Variants in UTP20 observed in about 807,000 individuals in gnomAD.
The protein encoded by UTP20 is UTP20 small subunit processome component.
UTP20 carries 164 observed loss-of-function variants against 329.5 expected under a neutral mutation model. The ratio of observed to expected loss-of-function variants is 0.50; its 90% CI spans 0.44 to 0.57. The LOEUF (loss-of-function observed/expected upper bound fraction) is 0.57. Ranked by LOEUF, UTP20 falls within the 20% of genes least tolerant of loss-of-function variation. UTP20 has a pLI of 0.00. For missense variants in UTP20, 3,055 were observed against 3,284.2 expected (o/e 0.93, Z 1.71); for synonymous variants, 1,151 against 1,159.3 (o/e 0.99, Z 0.14).
chr12:101,280,931 A>G (rs1593413635), intron 1 of UTP20, among the ~76,000 whole-genome samples, 185 bp from the exon 2 acceptor site: 1 of 152,312 alleles, frequency 6.6e-6, no homozygotes, highest in Middle Eastern at 3.4e-3. Context: ...AAATTATGCA[A>G]ACATAGAAGT....
At chr12:101,289,283 A>G (rs777945253) in intron 6 of UTP20, among the ~76,000 whole-genome samples, 11 of 152,122 alleles carry the variant, frequency 7.2e-5, no homozygotes, top group Non-Finnish European at 1.0e-4. Context: ...AGGCTGAGAC[A>G]TGAGAATTGC....
At chr12:101,339,701 T>G (rs1200424176) in intron 31 of UTP20, among the ~76,000 whole-genome samples, 1 of 152,202 alleles carries the variant, frequency 6.6e-6, no homozygotes, top group African/African-American at 2.4e-5. Flanking sequence ...AGAGTCTGTT[T>G]GGCAGTAGAC....
At chr12:101,339,655 G>A (rs910452793) in intron 31 of UTP20, among the ~76,000 whole-genome samples, 4 of 152,174 alleles carry the variant, frequency 2.6e-5, no homozygotes, top group South Asian at 2.1e-4. Flanking sequence ...CAGATTGTTC[G>A]GTTTTTTTGA....
At chr12:101,355,450 A>G (rs1187279700) in intron 41 of UTP20, among the ~76,000 whole-genome samples, 1 of 152,236 alleles carries the variant, frequency 6.6e-6, no homozygotes, top group Admixed American at 6.5e-5. Flanking sequence ...GTTCTGCACT[A>G]TTCAAAATTC....
In UTP20 at chr12:101,379,566, T is replaced by C. The variant is rs747443916; in HGVS notation, c.7584+8T>C. ...AGTGACCTTGACCAAAAGGTAAGCT[T>C]TCTCTCAAACCTTTTCCTTCCCTCG... is the stretch of plus-strand genomic sequence containing the variant. On this transcript the variant is annotated splice_region_variant and intron_variant, in intron 57 of 61. Coordinates refer to ENST00000261637, the MANE Select transcript of UTP20 (RefSeq NM_014503.3). 1.0e-5 allele frequency: 16 copies of C among 1,606,222 alleles called. No individual in the cohort carries two copies. The highest frequency in any genetic ancestry group is 1.3e-5 in the Non-Finnish European group (15 of 1,175,138).
intron 8 of UTP20, chr12:101,291,482 G>A: frequency 4.7e-6 from 1 of 214,698 alleles, no homozygotes; most frequent in Non-Finnish European, 8.9e-6. Flanking sequence ...AGAGGTTGCG[G>A]TGAGCAAAGA....
At position 101,312,064 on chromosome 12, in the gene UTP20, T is replaced by A. The variant is rs1291035437; in HGVS notation, c.2340T>A (p.Asp780Glu). The A allele has an allele frequency of 6.2e-7, 1 of 1,614,202 alleles. No individual in the cohort carries two copies. The highest frequency in any genetic ancestry group is 8.5e-7 in the Non-Finnish European group (1 of 1,180,016). The stretch of plus-strand genomic sequence containing the variant: ...AGGAACTACAGAATGATATGACAGA[T>A]GAGAAGTCCGTTGGAGATGAAAGTT... Reference protein sequence around the residue: ...AEKELQNDMTDEKSVGDESWE... With the variant: ...AEKELQNDMTEEKSVGDESWE... Residue 780 changes from aspartate (D) to glutamate (E), a missense_variant, in exon 21 of 62, where the codon GAT becomes GAA. Physicochemically the swap from Asp to Glu is conservative, Grantham distance 45 (BLOSUM62 2). Coordinates refer to ENST00000261637, the MANE Select transcript of UTP20 (RefSeq NM_014503.3).
intron 56 of UTP20, among the ~76,000 whole-genome samples, chr12:101,377,136 A>G (rs1870502166): frequency 6.6e-6 from 1 of 152,188 alleles, no homozygotes; most frequent in African/African-American, 2.4e-5. Flanking sequence ...CACCTGGTTT[A>G]AGAGCCAGAA....
chr12:101,280,237 C>G lies in UTP20; in HGVS notation c.-46C>G, dbSNP rs1304109940. On this transcript the variant is annotated 5_prime_UTR_variant, in exon 1 of 62. Transcript: ENST00000261637. The stretch of plus-strand genomic sequence containing the variant: ...CCCCTCCTTACTGTCGGTTGCATCC[C>G]TTCGACACTCCCGAGGCCGTCGCGG... 6 of 1,551,160 alleles carry G rather than the reference C, an allele frequency of 3.9e-6. No homozygotes were observed. In the South Asian group the frequency reaches 7.1e-5, roughly 18 times the overall value.
chr12:101,373,026 C>A, intron 52 of UTP20, 63 bp downstream of exon 52: 5 of 1,388,380 alleles, frequency 3.6e-6, no homozygotes, highest in Non-Finnish European at 5.1e-6. Flanking sequence ...TTTAACATGG[C>A]GGCTGTCTTA....
chr12:101,361,628 AAAAT>A (rs60016529), intron 43 of UTP20, among the ~76,000 whole-genome samples: 39,258 of 138,672 alleles, frequency 0.28, 6,021 homozygotes, highest in Non-Finnish European at 0.35. Flanking sequence ...CTCTGTCTCA[AAAAT>A]AAATAAATAA....
chr12:101,311,894 A>T, intron 20 of UTP20, 96 bp downstream of exon 20: 1 of 1,554,050 alleles, frequency 6.4e-7, no homozygotes, highest in Non-Finnish European at 8.7e-7. Flanking sequence ...GAAAACAGAG[A>T]TGAAACATAT....
intron 14 of UTP20, among the ~76,000 whole-genome samples, 160 bp from the exon 15 acceptor site, chr12:101,302,288 T>C (rs1872540596): frequency 6.6e-6 from 1 of 152,240 alleles, no homozygotes; most frequent in Admixed American, 6.5e-5. Flanking sequence ...TTTCTGTTTC[T>C]TTCTGTTATA....
intron 40 of UTP20, among the ~76,000 whole-genome samples, chr12:101,354,027 T>C (rs1869628601): frequency 6.6e-6 from 1 of 151,934 alleles, no homozygotes; most frequent in Admixed American, 6.6e-5. Context: ...TTGGGAGGCC[T>C]ACGCAGGTGG....
Position 101,386,170 on chromosome 12 carries a change from T to C in UTP20, c.*47T>C. 2 of 1,555,520 alleles carry C rather than the reference T, an allele frequency of 1.3e-6. No individual in the cohort carries two copies. Among genetic ancestry groups the C allele is most frequent in the Non-Finnish European group, 1.7e-6 (2 of 1,156,830 alleles). On this transcript the variant is annotated 3_prime_UTR_variant, in exon 62 of 62. Coordinates refer to ENST00000261637, the MANE Select transcript of UTP20 (RefSeq NM_014503.3). ...GCATGAACTTTCTGGAATATTCTGC[T>C]AGTCTGAAATTACAGTAGGTTGTCT...
In UTP20 at chr12:101,344,738, G is replaced by A. The variant is rs1294688273; in HGVS notation, c.4593G>A (p.Lys1531=). Residue 1531 remains lysine (K), a synonymous_variant, in exon 36 of 62, where the codon AAG becomes AAA. Transcript: ENST00000261637. Reference sequence around the variant, plus strand: ...TGGAGAAATTGAGAAAAGGTCTGAAGAGCCAGACAGAGGTATATAACTTTG... The same window carrying A: ...TGGAGAAATTGAGAAAAGGTCTGAAAAGCCAGACAGAGGTATATAACTTTG... ...SLLEKLRKGL[K]SQTESIQQDY... 1 of 1,613,674 alleles carries A rather than the reference G, an allele frequency of 6.2e-7. No individual in the cohort carries two copies. The highest frequency in any genetic ancestry group is 8.5e-7 in the Non-Finnish European group (1 of 1,179,834).
intron 59 of UTP20, 111 bp from the exon 60 acceptor site, chr12:101,383,432 A>G (rs1870720813): frequency 6.7e-7 from 1 of 1,500,170 alleles, no homozygotes; most frequent in Non-Finnish European, 9.0e-7. Flanking sequence ...AACTGCAGCA[A>G]TAACATCCGT....
In UTP20 at chr12:101,320,870, C is replaced by G; in HGVS notation, c.2848C>G (p.Gln950Glu). 6.2e-7 allele frequency: 1 copy of G among 1,611,698 alleles called. No homozygotes were observed. Among genetic ancestry groups the G allele is most frequent in the South Asian group, 1.1e-5 (1 of 90,350 alleles). ...TTCTTAGTTGTTGCTACACCAAGAT[C>G]AAATGGTGCAAAAAATAACCTTGGA... Reference protein sequence around the residue: ...LYLQLLLHQDQMVQKITLDCI... With the variant: ...LYLQLLLHQDEMVQKITLDCI... The change falls in exon 24 of 62, where the codon CAA becomes GAA. Residue 950 changes from glutamine to glutamate, a missense_variant. Physicochemically the swap from Gln to Glu is conservative, Grantham distance 29 (BLOSUM62 2). Around this residue, in one of 3 missense-constraint regions of UTP20, gnomAD observed 2,445 missense variants for 2,575.5 expected, o/e 0.95. Coordinates refer to ENST00000261637, the MANE Select transcript of UTP20 (RefSeq NM_014503.3).
chr12:101,311,616 T>C (rs1872791684), intron 19 of UTP20, 103 bp from the exon 20 acceptor site: 4 of 1,048,890 alleles, frequency 3.8e-6, no homozygotes, highest in South Asian at 3.2e-5. Context: ...GATAACCTAA[T>C]TGACATTTTA....
Sources: gnomAD v4.1 joint callset for allele counts (sites outside exome capture counted in the v4.1 genomes callset) on GRCh38, gnomAD v4.1.1 for gene constraint, gnomAD v4.1.1 regional missense constraint, MANE v1.5 for transcripts, NCBI Gene and HGNC (gene_info 2026-07-23, HGNC 2026-07-21) for gene names.